Variants in RTN4RL1 observed in about 807,000 individuals in gnomAD.
The protein encoded by RTN4RL1 is reticulon 4 receptor like 1.
A neutral mutation model predicts 25.6 loss-of-function variants in RTN4RL1; 7 were observed. The observed-to-expected ratio is 0.27, with a 90% CI of 0.16 to 0.51. The LOEUF is 0.51. Ranked by LOEUF, RTN4RL1 falls within the 20% of genes least tolerant of loss-of-function variation. The probability of loss-of-function intolerance (pLI) is 0.97; values close to 1 mark genes in which losing one functional copy is unlikely to be tolerated. For missense variants in RTN4RL1, 500 were observed against 615.6 expected (o/e 0.81, Z 1.99); for synonymous variants, 297 against 288.2 (o/e 1.03, Z -0.31).
intron 1 of RTN4RL1, among the ~76,000 whole-genome samples, chr17:1,984,101 A>G (rs1807801735): frequency 6.6e-6 from 1 of 152,216 alleles, no homozygotes; most frequent in Admixed American, 6.5e-5. Context: ...CCATTTAGTC[A>G]CAATATCACA....
chr17:1,937,841 G>A (rs779785876), intron 1 of RTN4RL1, 33 bp from the exon 2 acceptor site: 3 of 1,518,964 alleles, frequency 2.0e-6, no homozygotes, highest in African/African-American at 1.4e-5. Flanking sequence ...CCAGGTCAGG[G>A]GCCGTGCAGG....
intron 1 of RTN4RL1, among the ~76,000 whole-genome samples, chr17:1,973,693 G>T (rs530162528): frequency 6.6e-6 from 1 of 152,020 alleles, no homozygotes; most frequent in African/African-American, 2.4e-5. Flanking sequence ...CCCCAGCCCC[G>T]CATGTTAGCT....
intron 1 of RTN4RL1, among the ~76,000 whole-genome samples, chr17:2,006,019 G>A (rs897051905): frequency 6.6e-6 from 1 of 151,704 alleles, no homozygotes. Context: ...GGATGGTCTC[G>A]ATCTCTTGAC....
intron 1 of RTN4RL1, 66 bp from the exon 2 acceptor site, chr17:1,937,874 C>T (rs910132174): frequency 3.5e-5 from 44 of 1,249,028 alleles, no homozygotes; most frequent in Admixed American, 1.9e-4. Context: ...CCGCACCCTC[C>T]GGCGCCCGCC....
chr17:1,995,295 A>G (rs1197223417), intron 1 of RTN4RL1, among the ~76,000 whole-genome samples: 1 of 152,070 alleles, frequency 6.6e-6, no homozygotes, highest in East Asian at 1.9e-4. Context: ...GCATGGTGGT[A>G]GGTGCCTGTA....
In RTN4RL1 at chr17:1,999,890, C is replaced by A. The variant is rs147304600; in HGVS notation, c.13+24963G>T. Among the ~76,000 whole-genome samples the A allele has an allele frequency of 7.7e-3, 1,175 of 152,380 alleles. 9 individuals carry two copies. The highest frequency in any genetic ancestry group is 0.012 in the Non-Finnish European group (825 of 68,034). On this transcript the variant is annotated intron_variant, in intron 1 of 1. Transcript: ENST00000331238. The stretch of plus-strand genomic sequence containing the variant: ...CCTCTTCTCGCCTCTCCTCTCCTGT[C>A]TAGGGCCCAGAGCAGCTGGGGCAGG...
Position 1,967,419 on chromosome 17 carries a change from T to C in RTN4RL1, c.14-29611A>G, listed in dbSNP as rs190103572. Among the ~76,000 whole-genome samples the C allele has an allele frequency of 6.6e-5, 10 of 152,104 alleles. No individual in the cohort carries two copies. In the South Asian group the frequency reaches 1.0e-3, roughly 16 times the overall value. Reference sequence around the variant, plus strand: ...CCCACCACGCCTCGCCGTCTGTCTGTAGACTCAGATCAAGCCTCTCCCCTT... The same window carrying C: ...CCCACCACGCCTCGCCGTCTGTCTGCAGACTCAGATCAAGCCTCTCCCCTT... On this transcript the variant is annotated intron_variant, in intron 1 of 1. Transcript: ENST00000331238.
rs1023095576 is a variant in RTN4RL1, at chr17:1,979,307, T to G, written c.14-41499A>C. Among the ~76,000 whole-genome samples, 4 of 148,116 alleles carry G rather than the reference T, an allele frequency of 2.7e-5. No homozygotes were observed. The South Asian group carries it at 6.4e-4, about 24-fold the overall frequency. On this transcript the variant is annotated intron_variant, in intron 1 of 1. Coordinates refer to ENST00000331238, the MANE Select transcript of RTN4RL1 (RefSeq NM_178568.4). ...AAAATAAAAAACAAAAAACCCCATC[T>G]CTACAAAAAAATACAAAAAATTACC...
intron 1 of RTN4RL1, among the ~76,000 whole-genome samples, chr17:1,982,351 G>A (rs562486065): frequency 6.6e-5 from 10 of 151,874 alleles, no homozygotes; most frequent in African/African-American, 2.2e-4. Flanking sequence ...GGTGCCTCGC[G>A]CCTGTAATCC....
intron 1 of RTN4RL1, among the ~76,000 whole-genome samples, chr17:1,978,259 G>A (rs117267336): frequency 3.4e-3 from 525 of 152,336 alleles, no homozygotes; most frequent in Non-Finnish European, 6.5e-3. Context: ...GCCCCGACCC[G>A]TGCAAGCGGC....
intron 1 of RTN4RL1, among the ~76,000 whole-genome samples, chr17:1,963,789 T>C (rs1384547508): frequency 6.6e-6 from 1 of 152,178 alleles, no homozygotes; most frequent in Non-Finnish European, 1.5e-5. Flanking sequence ...TGGAGTGCAG[T>C]GGTGCGATCT....
intron 1 of RTN4RL1, among the ~76,000 whole-genome samples, chr17:1,954,590 G>T (rs1349796364): frequency 6.6e-6 from 1 of 152,004 alleles, no homozygotes; most frequent in Non-Finnish European, 1.5e-5. Flanking sequence ...GTTTCACCAT[G>T]TTGGCCAGGC....
intron 1 of RTN4RL1, among the ~76,000 whole-genome samples, chr17:1,989,903 T>C (rs1264390552): frequency 1.3e-5 from 2 of 151,894 alleles, no homozygotes; most frequent in Non-Finnish European, 1.5e-5. Flanking sequence ...GAAAGTATGC[T>C]TAAGCCTAGG....
chr17:1,981,416 C>G (rs1278689553), intron 1 of RTN4RL1, among the ~76,000 whole-genome samples: 2 of 152,182 alleles, frequency 1.3e-5, no homozygotes, highest in African/African-American at 4.8e-5. Context: ...AGAAATGAAG[C>G]TGACTCCATC....
intron 1 of RTN4RL1, among the ~76,000 whole-genome samples, chr17:1,989,772 C>A (rs192679960): frequency 2.2e-4 from 33 of 152,076 alleles, no homozygotes; most frequent in African/African-American, 8.0e-4. Flanking sequence ...GGGGGTTTCA[C>A]CATTTTGGAC....
intron 1 of RTN4RL1, among the ~76,000 whole-genome samples, chr17:1,969,480 A>C (rs1410370158): frequency 6.6e-6 from 1 of 152,110 alleles, no homozygotes; most frequent in East Asian, 1.9e-4. Flanking sequence ...CTTCAGACCA[A>C]CCAGAGAGAA....
chr17:1,976,726 A>T (rs1453717413), intron 1 of RTN4RL1, among the ~76,000 whole-genome samples: 1 of 152,206 alleles, frequency 6.6e-6, no homozygotes, highest in Non-Finnish European at 1.5e-5. Context: ...ACCACCACCC[A>T]GCTCACGGGG....
At chr17:2,015,454 A>G (rs2067108395) in intron 1 of RTN4RL1, among the ~76,000 whole-genome samples, 2 of 152,194 alleles carry the variant, frequency 1.3e-5, no homozygotes, top group African/African-American at 2.4e-5. Flanking sequence ...GAAAGCCCCC[A>G]GAGCCAAGCA....
chr17:2,013,925 C>T (rs545850548), intron 1 of RTN4RL1, among the ~76,000 whole-genome samples: 67 of 152,346 alleles, frequency 4.4e-4, no homozygotes, highest in African/African-American at 1.5e-3. Context: ...CAAAGCTGTG[C>T]AGCAGGGTTA....
Sources: allele counts gnomAD v4.1 joint callset (sites outside exome capture counted in the v4.1 genomes callset), GRCh38; gene constraint gnomAD v4.1.1; transcripts MANE v1.5; gene names NCBI Gene and HGNC (gene_info 2026-07-23, HGNC 2026-07-21).